The following GRIN2A variants were observed in gnomAD, a reference collection of about 807,000 sequenced individuals.
The protein encoded by GRIN2A is glutamate ionotropic receptor NMDA type subunit 2A.
Under a neutral mutation model 113.4 loss-of-function variants are expected in GRIN2A, and 22 were observed. The observed-to-expected ratio is 0.19, with a 90% CI of 0.14 to 0.28. The LOEUF (loss-of-function observed/expected upper bound fraction) is 0.28, where lower values mean the gene tolerates loss of function less well. GRIN2A is among the 10% of genes least tolerant of loss of function. The pLI, the probability that GRIN2A is intolerant of heterozygous loss-of-function variation, is 1.00. For missense variants in GRIN2A, 1,502 were observed against 1,887.0 expected (o/e 0.80, Z 3.78); for synonymous variants, 827 against 738.4 (o/e 1.12, Z -1.94).
intron 2 of GRIN2A, among the ~76,000 whole-genome samples, chr16:10,162,877 A>G (rs2049832250): frequency 4.6e-5 from 7 of 152,182 alleles, no homozygotes; most frequent in Admixed American, 4.6e-4. Context: ...GAACCAGGAC[A>G]GGGATGGAGG....
intron 2 of GRIN2A, among the ~76,000 whole-genome samples, chr16:10,003,957 G>T (rs1319620674): frequency 6.6e-6 from 1 of 152,076 alleles, no homozygotes; most frequent in South Asian, 2.1e-4. Flanking sequence ...GTCTCTCCTG[G>T]GAAGAAATCT....
At chr16:9,775,045 T>C (rs768967364) in intron 11 of GRIN2A, among the ~76,000 whole-genome samples, 10 of 152,198 alleles carry the variant, frequency 6.6e-5, no homozygotes, top group Non-Finnish European at 1.3e-4. Flanking sequence ...TGGGAATGGA[T>C]TTTATAGCAA....
In GRIN2A at chr16:9,945,890, G is replaced by A. The variant is rs2045006791; in HGVS notation, c.415-7339C>T. ...TGGTACTCTAACTTCAAATATTGTG[G>A]CTAGAACTTCCATGTTTTCCTGGGA... On this transcript the variant is annotated intron_variant, in intron 2 of 12. Transcript: ENST00000330684. 2.0e-5 allele frequency among the ~76,000 whole-genome samples: 3 copies of A among 152,090 alleles called. No individual in the cohort carries two copies. In the South Asian group the frequency reaches 6.2e-4, roughly 32 times the overall value.
At chr16:9,776,332 T>C (rs1379485578) in intron 11 of GRIN2A, among the ~76,000 whole-genome samples, 1 of 147,442 alleles carries the variant, frequency 6.8e-6, no homozygotes, top group Non-Finnish European at 1.5e-5. Flanking sequence ...TAATTGTCAC[T>C]GGGAGGTGAG....
chr16:9,763,214 C>T lies in GRIN2A; in HGVS notation c.4330G>A (p.Val1444Ile), dbSNP rs150574045. Residue 1444 changes from valine to isoleucine, a missense_variant, in exon 13 of 13, where the codon GTT becomes ATT. Physicochemically the swap from Val to Ile is conservative, Grantham distance 29 (BLOSUM62 3). Coordinates refer to ENST00000330684, the MANE Select transcript of GRIN2A (RefSeq NM_001134407.3). Reference sequence around the variant, plus strand: ...CGTCTATTGCTGCAGGAATTTAAAACCCTGGGGGTAGAGTACATATTATTC... The same window carrying T: ...CGTCTATTGCTGCAGGAATTTAAAATCCTGGGGGTAGAGTACATATTATTC... ...NKNNMYSTPRVLNSCSNRRVY... is the reference protein window; with the variant it reads ...NKNNMYSTPRILNSCSNRRVY... 1.5e-5 allele frequency: 25 copies of T among 1,614,006 alleles called. No individual in the cohort carries two copies. In the African/African-American group the frequency reaches 2.4e-4, roughly 15 times the overall value.
At chr16:9,843,230 C>A (rs1241482521) in intron 5 of GRIN2A, among the ~76,000 whole-genome samples, 2 of 152,024 alleles carry the variant, frequency 1.3e-5, no homozygotes, top group Non-Finnish European at 2.9e-5. Flanking sequence ...TAAGTACATA[C>A]TACTTATGTA....
At chr16:9,809,410 A>G (rs561196822) in intron 10 of GRIN2A, among the ~76,000 whole-genome samples, 3 of 152,298 alleles carry the variant, frequency 2.0e-5, no homozygotes. Flanking sequence ...AGCCTGGGCA[A>G]CAGAGCAAGA....
intron 7 of GRIN2A, among the ~76,000 whole-genome samples, chr16:9,838,779 A>T (rs540031537): frequency 1.3e-5 from 2 of 152,312 alleles, no homozygotes; most frequent in South Asian, 4.1e-4. Flanking sequence ...TAAATGAAAG[A>T]TGTGAACTGG....
intron 11 of GRIN2A, among the ~76,000 whole-genome samples, chr16:9,769,451 C>CCTTT (rs1567283118): frequency 9.5e-6 from 1 of 104,888 alleles, no homozygotes; most frequent in African/African-American, 3.3e-5. Context: ...GGAGTTTTGT[C>CCTTT]TTTTTTTTTT....
chr16:9,978,110 T>C (rs571101828), intron 2 of GRIN2A, among the ~76,000 whole-genome samples: 2 of 152,306 alleles, frequency 1.3e-5, no homozygotes, highest in African/African-American at 4.8e-5. Context: ...TTGGATGTTA[T>C]ACTTCTAAAC....
chr16:10,162,197 T>C (rs1320903848), intron 2 of GRIN2A, among the ~76,000 whole-genome samples: 1 of 152,140 alleles, frequency 6.6e-6, no homozygotes, highest in East Asian at 1.9e-4. Context: ...AGGGACTCAG[T>C]TCCTCAAAGC....
chr16:9,892,738 C>T (rs1009181862), intron 3 of GRIN2A, among the ~76,000 whole-genome samples: 1 of 152,038 alleles, frequency 6.6e-6, no homozygotes. Flanking sequence ...GTGAGAGGTT[C>T]CCCAAGGGAT....
At chr16:10,161,449 C>T (rs2049807577) in intron 2 of GRIN2A, among the ~76,000 whole-genome samples, 1 of 152,168 alleles carries the variant, frequency 6.6e-6, no homozygotes, top group Admixed American at 6.5e-5. Context: ...ACACACTTAT[C>T]TTTTAAGTCA....
At chr16:9,925,773 G>T (rs1390286170) in intron 3 of GRIN2A, among the ~76,000 whole-genome samples, 1 of 152,134 alleles carries the variant, frequency 6.6e-6, no homozygotes, top group African/African-American at 2.4e-5. Context: ...GTCTGAAGTA[G>T]CAGTCAATAG....
chr16:9,832,467 T>A (rs1457191309), intron 8 of GRIN2A, among the ~76,000 whole-genome samples: 1 of 152,108 alleles, frequency 6.6e-6, no homozygotes, highest in East Asian at 1.9e-4. Context: ...TTTTTTCTTC[T>A]TCTTGATATT....
chr16:9,946,610 A>G (rs2045023656), intron 2 of GRIN2A, among the ~76,000 whole-genome samples: 1 of 152,016 alleles, frequency 6.6e-6, no homozygotes, highest in Admixed American at 6.6e-5. Flanking sequence ...GAGAGCCCTC[A>G]TTTTCCTCTC....
At chr16:10,100,927 G>T (rs865792794) in intron 2 of GRIN2A, among the ~76,000 whole-genome samples, 1 of 152,216 alleles carries the variant, frequency 6.6e-6, no homozygotes, top group African/African-American at 2.4e-5. Context: ...CCATGGAGGA[G>T]ACACTTGGAT....
chr16:9,828,292 G>A (rs1275443288), intron 9 of GRIN2A, among the ~76,000 whole-genome samples: 1 of 152,162 alleles, frequency 6.6e-6, no homozygotes, highest in Admixed American at 6.6e-5. Flanking sequence ...GCCTCAATCG[G>A]AAGCCATCAG....
At chr16:9,776,383 C>A (rs1396877947) in intron 11 of GRIN2A, among the ~76,000 whole-genome samples, 2 of 151,680 alleles carry the variant, frequency 1.3e-5, no homozygotes, top group Admixed American at 1.3e-4. Context: ...TCCTTGTACC[C>A]CCAGTCTGTG....
Sources: gnomAD v4.1 joint callset for allele counts (sites outside exome capture counted in the v4.1 genomes callset) on GRCh38, gnomAD v4.1.1 for gene constraint, MANE v1.5 for transcripts, NCBI Gene and HGNC (gene_info 2026-07-23, HGNC 2026-07-21) for gene names.